Variants in CACNA2D4 observed in about 807,000 individuals in gnomAD.
CACNA2D4 encodes voltage-dependent calcium channel subunit alpha-2/delta-4.
CACNA2D4 carries 157 observed loss-of-function variants against 163.8 expected under a neutral mutation model. That is an observed-to-expected ratio of 0.96 (90% CI 0.84 to 1.09). The LOEUF (loss-of-function observed/expected upper bound fraction) is 1.09, where lower values mean the gene tolerates loss of function less well. Ranked by LOEUF, CACNA2D4 falls within the 50% of genes least tolerant of loss-of-function variation. CACNA2D4 has a pLI of 0.00. For missense variants in CACNA2D4, 1,410 were observed against 1,479.9 expected (o/e 0.95, Z 0.78); for synonymous variants, 598 against 586.9 (o/e 1.02, Z -0.27).
At chr12:1,868,181 A>G (rs576347444) in intron 18 of CACNA2D4, among the ~76,000 whole-genome samples, 1 of 152,376 alleles carries the variant, frequency 6.6e-6, no homozygotes, top group Non-Finnish European at 1.5e-5. Context: ...TCATTGCACC[A>G]TTGATAGCCA....
At chr12:1,871,831 A>G (rs1265560545) in intron 18 of CACNA2D4, among the ~76,000 whole-genome samples, 1 of 152,250 alleles carries the variant, frequency 6.6e-6, no homozygotes, top group Non-Finnish European at 1.5e-5. Context: ...GGAAGAACCC[A>G]GAGGCTAGGA....
At chr12:1,831,294 C>A in intron 26 of CACNA2D4, 1 of 1,613,700 alleles carries the variant, frequency 6.2e-7, no homozygotes, top group South Asian at 1.1e-5. Context: ...GCCGCTGCTC[C>A]GCCACCTGGA....
chr12:1,888,023 G>A (rs903112265), intron 6 of CACNA2D4, among the ~76,000 whole-genome samples: 4 of 152,284 alleles, frequency 2.6e-5, no homozygotes, highest in South Asian at 2.1e-4. Flanking sequence ...AGCCCCAGGC[G>A]TGAGGCATAT....
At chr12:1,847,790 A>G (rs1325650106) in intron 23 of CACNA2D4, among the ~76,000 whole-genome samples, 1 of 152,194 alleles carries the variant, frequency 6.6e-6, no homozygotes, top group African/African-American at 2.4e-5. Context: ...CAGCCCCTCA[A>G]CTAGATTATT....
intron 5 of CACNA2D4, 34 bp downstream of exon 5, chr12:1,907,840 CT>C (rs1866702260): frequency 1.2e-6 from 2 of 1,611,858 alleles, no homozygotes; most frequent in Non-Finnish European, 1.7e-6. Flanking sequence ...GTGGGCGTGC[CT>C]GGTGAGTGTG....
At chr12:1,905,203 G>C (rs1377113781) in intron 6 of CACNA2D4, among the ~76,000 whole-genome samples, 2 of 151,898 alleles carry the variant, frequency 1.3e-5, no homozygotes, top group African/African-American at 2.4e-5. Flanking sequence ...ACTAGCAATA[G>C]AATGAAACTG....
intron 23 of CACNA2D4, among the ~76,000 whole-genome samples, chr12:1,851,402 T>C (rs1185774391): frequency 1.3e-5 from 2 of 152,246 alleles, no homozygotes; most frequent in African/African-American, 4.8e-5. Context: ...AATTTTATCA[T>C]TCTCCATATG....
At chr12:1,809,485 C>T in intron 29 of CACNA2D4, 1 of 700,694 alleles carries the variant, frequency 1.4e-6, no homozygotes, top group Non-Finnish European at 2.6e-6. Context: ...ATGCTTCTGC[C>T]TTGCTTCAAG....
rs923731839 is a variant in CACNA2D4, at chr12:1,798,127, G to A, written c.2996-592C>T. On this transcript the variant is annotated intron_variant, in intron 34 of 37. Coordinates refer to ENST00000382722, the MANE Select transcript of CACNA2D4 (RefSeq NM_172364.5). This position sits in a 1 kb window ranked among gnomAD's most constrained non-coding sequence, Gnocchi z 4.3. Reference sequence around the variant, plus strand: ...CCACCCGGTGCGGGACTCCTCGGGGGCTGCGCGATTTGCCTTAGCTCCCTG... The same window carrying A: ...CCACCCGGTGCGGGACTCCTCGGGGACTGCGCGATTTGCCTTAGCTCCCTG... Among the ~76,000 whole-genome samples, 3 of 152,212 alleles carry A rather than the reference G, an allele frequency of 2.0e-5. No individual in the cohort carries two copies. The highest frequency in any genetic ancestry group is 7.2e-5 in the African/African-American group (3 of 41,454).
At chr12:1,885,918 A>C (rs1565729398) in intron 9 of CACNA2D4, 47 bp downstream of exon 9, 1 of 1,388,694 alleles carries the variant, frequency 7.2e-7, no homozygotes, top group Admixed American at 1.8e-5. Context: ...CCCACCATCC[A>C]GACAAGAGCA....
At chr12:1,871,259 T>A (rs768135117) in intron 18 of CACNA2D4, among the ~76,000 whole-genome samples, 2 of 150,338 alleles carry the variant, frequency 1.3e-5, no homozygotes, top group Non-Finnish European at 3.0e-5. Flanking sequence ...TGTGTACAAA[T>A]GTGTGCCACT....
intron 6 of CACNA2D4, among the ~76,000 whole-genome samples, chr12:1,906,864 A>G (rs1416554096): frequency 6.6e-6 from 1 of 152,252 alleles, no homozygotes; most frequent in Non-Finnish European, 1.5e-5. Flanking sequence ...GAAAAGTGGG[A>G]TAACTTTAAG....
intron 16 of CACNA2D4, among the ~76,000 whole-genome samples, chr12:1,876,776 C>T (rs936211787): frequency 2.0e-5 from 3 of 152,194 alleles, no homozygotes; most frequent in Admixed American, 6.5e-5. Context: ...CCATCTTTTA[C>T]ATGGGATCTG....
chr12:1,809,001 C>A (rs1592659965), intron 29 of CACNA2D4, among the ~76,000 whole-genome samples: 1 of 152,204 alleles, frequency 6.6e-6, no homozygotes, highest in South Asian at 2.1e-4. Context: ...CCCACACTCC[C>A]ACCAACAGGA....
Position 1,793,779 on chromosome 12 carries a change from G to A in CACNA2D4, c.3310-20C>T, listed in dbSNP as rs767497134. ...ATTCTCCTGCGAACGCAGAGCAGAGGTGACAGCGCGGCGCTCAGAGGAGGA... is the reference window on the plus strand; with the variant it reads ...ATTCTCCTGCGAACGCAGAGCAGAGATGACAGCGCGGCGCTCAGAGGAGGA... On this transcript the variant is annotated intron_variant, in intron 37 of 37. Coordinates refer to ENST00000382722, the MANE Select transcript of CACNA2D4 (RefSeq NM_172364.5). 4 of 1,604,232 alleles carry A rather than the reference G, an allele frequency of 2.5e-6. No homozygotes were observed. The highest frequency in any genetic ancestry group is 3.4e-6 in the Non-Finnish European group (4 of 1,172,770).
chr12:1,828,262 T>C lies in CACNA2D4; in HGVS notation c.2551+12477A>G, dbSNP rs1331758814. 1 of 1,486,736 alleles carries C rather than the reference T, an allele frequency of 6.7e-7. No homozygotes were observed. The highest frequency in any genetic ancestry group is 2.6e-5 in the East Asian group (1 of 39,054). 92.1% of individuals were successfully genotyped at this position (1,486,736 alleles called of 1,614,324 possible). On this transcript the variant is annotated intron_variant, in intron 26 of 37. Transcript: ENST00000382722. The surrounding 1 kb of genome is among the most constrained non-coding windows in gnomAD (Gnocchi z 4.2). ...GAGGGGGGTGCGGGTTGGGTGGGGG[T>C]GCCGAGGTGACTGTAGGTAGCGCCA...
chr12:1,912,667 C>G (rs1866856871), intron 3 of CACNA2D4, among the ~76,000 whole-genome samples: 2 of 152,230 alleles, frequency 1.3e-5, no homozygotes, highest in South Asian at 4.1e-4. Context: ...ATTCCCAAAG[C>G]AATTCCTAGG....
Position 1,907,537 on chromosome 12 carries a change from T to C in CACNA2D4, c.684A>G (p.Glu228=). 6.2e-7 allele frequency: 1 copy of C among 1,613,370 alleles called. No individual in the cohort carries two copies. Among genetic ancestry groups the C allele is most frequent in the South Asian group, 1.1e-5 (1 of 90,988 alleles). Reference sequence around the variant, plus strand: ...TCTCCACGAAGACAGCATTCAAGGCTTCAGACATGTAGACTCCATTTAAAA... The same window carrying C: ...TCTCCACGAAGACAGCATTCAAGGCCTCAGACATGTAGACTCCATTTAAAA... ...PDILNGVYMS[E]ALNAVFVENF... Residue 228 remains glutamate, a synonymous_variant, in exon 6 of 38, where the codon GAA becomes GAG. Coordinates refer to ENST00000382722, the MANE Select transcript of CACNA2D4 (RefSeq NM_172364.5).
chr12:1,817,021 AG>A (rs1222019278), intron 26 of CACNA2D4, among the ~76,000 whole-genome samples: 2 of 152,224 alleles, frequency 1.3e-5, no homozygotes, highest in Non-Finnish European at 2.9e-5. Flanking sequence ...TTGCCCTCCT[AG>A]CCCTTTATCT....
Sources: allele counts gnomAD v4.1 joint callset (sites outside exome capture counted in the v4.1 genomes callset), GRCh38; gene constraint gnomAD v4.1.1; non-coding constraint Gnocchi (gnomAD v3.1); transcripts MANE v1.5; gene names NCBI Gene and HGNC (gene_info 2026-07-23, HGNC 2026-07-21).